The following SCARA3 variants were observed in gnomAD, a reference collection of about 807,000 sequenced individuals.
SCARA3 encodes the protein cellular stress response gene protein.
A neutral mutation model predicts 47.0 loss-of-function variants in SCARA3; 39 were observed. The ratio of observed to expected loss-of-function variants is 0.83; its 90% confidence interval spans 0.64 to 1.08. SCARA3 has a LOEUF of 1.08. Ranked by LOEUF, SCARA3 falls within the 50% of genes least tolerant of loss-of-function variation. The probability of loss-of-function intolerance (pLI) is 0.00; values close to 1 mark genes in which losing one functional copy is unlikely to be tolerated. For synonymous variants in SCARA3, 356 were observed against 334.1 expected (o/e 1.07, Z -0.71); for missense variants, 724 against 792.3 (o/e 0.91, Z 1.04).
chr8:27,675,907 G>C (rs1180289261), downstream of SCARA3, among the ~76,000 whole-genome samples: 3 of 152,214 alleles, frequency 2.0e-5, no homozygotes, highest in Middle Eastern at 3.4e-3. Flanking sequence ...GTGGGGAGGT[G>C]GGGGAGGAAC....
At position 27,671,153 on chromosome 8, in the gene SCARA3, G is replaced by A; in HGVS notation, c.1623G>A (p.Gly541=). The A allele has an allele frequency of 6.5e-7, 1 of 1,547,306 alleles. No homozygotes were observed. Among genetic ancestry groups the A allele is most frequent in the Non-Finnish European group, 8.7e-7 (1 of 1,149,124 alleles). Reference sequence around the variant, plus strand: ...CGAGAGGACAGCCAGGCCCAAAAGGGGACATAGGGCCCCCAGGGCCAGAAG... The same window carrying A: ...CGAGAGGACAGCCAGGCCCAAAAGGAGACATAGGGCCCCCAGGGCCAGAAG... ...GGPRGQPGPK[G]DIGPPGPEGP... The change falls in exon 6 of 6, where the codon GGG becomes GGA. Residue 541 remains glycine (G), a synonymous_variant. Coordinates refer to ENST00000301904, the MANE Select transcript of SCARA3 (RefSeq NM_016240.3).
the SCARA3 span, among the ~76,000 whole-genome samples, chr8:27,718,495 C>A: frequency 6.6e-6 from 1 of 151,688 alleles, no homozygotes; most frequent in Non-Finnish European, 1.5e-5. Flanking sequence ...CTTCACAGAC[C>A]CCCAGTGCCC....
the SCARA3 span, among the ~76,000 whole-genome samples, chr8:27,731,807 G>T: frequency 6.6e-6 from 1 of 152,156 alleles, no homozygotes; most frequent in Non-Finnish European, 1.5e-5. Context: ...ATGAACTTCA[G>T]AGTTTGGAAG....
chr8:27,731,166 C>G, the SCARA3 span, among the ~76,000 whole-genome samples: 1 of 149,790 alleles, frequency 6.7e-6, no homozygotes, highest in African/African-American at 2.5e-5. Flanking sequence ...GTGGTGCTAT[C>G]ACAGCTCACT....
At chr8:27,651,676 G>GGGA (rs1358525487) in intron 3 of SCARA3, 49 bp downstream of exon 3, 1 of 1,603,942 alleles carries the variant, frequency 6.2e-7, no homozygotes, top group African/African-American at 1.3e-5. Flanking sequence ...TGTCTGATCA[G>GGGA]GGATCCAGCA....
intron 1 of SCARA3, among the ~76,000 whole-genome samples, chr8:27,639,555 GC>G (rs1181428913): frequency 2.0e-5 from 3 of 152,012 alleles, no homozygotes; most frequent in African/African-American, 7.3e-5. Flanking sequence ...AGTTGAGGGA[GC>G]CCTAAGCCAG....
intron 3 of SCARA3, 148 bp downstream of exon 3, chr8:27,651,775 T>C: frequency 8.9e-7 from 1 of 1,124,680 alleles, no homozygotes; most frequent in South Asian, 1.6e-5. Flanking sequence ...TCTCTATGCC[T>C]AATGCAAACT....
chr8:27,676,573 C>T (rs753844154), downstream of SCARA3: 2 of 1,604,114 alleles, frequency 1.2e-6, no homozygotes, highest in East Asian at 2.2e-5. Flanking sequence ...TTCTAGGTCA[C>T]ACTTTGTTTT....
Position 27,671,714 on chromosome 8 carries a change from A to C in SCARA3, c.*363A>C. The C allele has an allele frequency of 1.9e-6, 2 of 1,060,664 alleles. No homozygotes were observed. Among genetic ancestry groups the C allele is most frequent in the Non-Finnish European group, 2.3e-6 (2 of 878,310 alleles). The allele number at this position is 1,060,664 out of a possible 1,614,324, so 65.7% of individuals were successfully genotyped here. A position where few individuals can be genotyped will look rare whatever the true frequency, so the allele number is the denominator to read the frequency against. ...CATACACAGGCACACATGCATGCAC[A>C]CATACACATGCACACACACATGCAC... is the stretch of plus-strand genomic sequence containing the variant. On this transcript the variant is annotated 3_prime_UTR_variant, in exon 6 of 6. Transcript: ENST00000301904.
chr8:27,714,223 T>C, the SCARA3 span, among the ~76,000 whole-genome samples: 1 of 125,896 alleles, frequency 7.9e-6, no homozygotes. Context: ...TGAGATGGAG[T>C]CTTGCTCTGT....
the SCARA3 span, among the ~76,000 whole-genome samples, chr8:27,720,232 C>CAGCAGG: frequency 6.6e-6 from 1 of 152,002 alleles, no homozygotes; most frequent in South Asian, 2.1e-4. Context: ...CTGAGCAAGT[C>CAGCAGG]TGAGTGGCGA....
At chr8:27,647,786 C>T (rs1297905930) in intron 1 of SCARA3, among the ~76,000 whole-genome samples, 1 of 152,188 alleles carries the variant, frequency 6.6e-6, no homozygotes, top group African/African-American at 2.4e-5. Flanking sequence ...AGAGGGCACT[C>T]GTGGTCTTGA....
the SCARA3 span, among the ~76,000 whole-genome samples, chr8:27,694,209 C>A: frequency 6.6e-6 from 1 of 152,110 alleles, no homozygotes. Flanking sequence ...AAGTAAGAAT[C>A]CTTACTTCAT....
At chr8:27,695,012 A>G in the SCARA3 span, among the ~76,000 whole-genome samples, 6 of 152,196 alleles carry the variant, frequency 3.9e-5, no homozygotes, top group Non-Finnish European at 7.3e-5. Flanking sequence ...AAGATCGTGT[A>G]GGATTACCAG....
chr8:27,711,257 T>C, the SCARA3 span, among the ~76,000 whole-genome samples: 1 of 152,194 alleles, frequency 6.6e-6, no homozygotes, highest in African/African-American at 2.4e-5. Context: ...TAGACATTGG[T>C]GATCATTGTC....
chr8:27,686,570 C>T, the SCARA3 span, among the ~76,000 whole-genome samples: 1 of 152,116 alleles, frequency 6.6e-6, no homozygotes, highest in Non-Finnish European at 1.5e-5. Flanking sequence ...TATCATGGGG[C>T]CTCCTGGGGG....
chr8:27,725,230 G>A, the SCARA3 span, among the ~76,000 whole-genome samples: 1 of 152,124 alleles, frequency 6.6e-6, no homozygotes, highest in African/African-American at 2.4e-5. Context: ...TAAAAGATAT[G>A]AAGAAGAAGC....
intron 2 of SCARA3, among the ~76,000 whole-genome samples, chr8:27,651,245 C>T (rs536781667): frequency 1.2e-4 from 19 of 152,298 alleles, no homozygotes; most frequent in African/African-American, 3.9e-4. Context: ...CCCCATGGGC[C>T]GAATGAAGAC....
At chr8:27,704,437 C>T in the SCARA3 span, among the ~76,000 whole-genome samples, 1 of 152,078 alleles carries the variant, frequency 6.6e-6, no homozygotes, top group Non-Finnish European at 1.5e-5. Context: ...CAGAGCAATA[C>T]CCCACCTCAA....
Sources: gnomAD v4.1 joint callset for allele counts (sites outside exome capture counted in the v4.1 genomes callset) on GRCh38, gnomAD v4.1.1 for gene constraint, MANE v1.5 for transcripts, NCBI Gene and HGNC (gene_info 2026-07-23, HGNC 2026-07-21) for gene names.